GABBR2: variants seen among roughly 807,000 people sequenced by gnomAD.
GABBR2 encodes gamma-aminobutyric acid type B receptor subunit 2.
Under a neutral mutation model 105.6 loss-of-function variants are expected in GABBR2, and 23 were observed. The observed-to-expected ratio is 0.22, with a 90% confidence interval of 0.16 to 0.31. The LOEUF (loss-of-function observed/expected upper bound fraction) is 0.31, where lower values mean the gene tolerates loss of function less well. GABBR2 is among the 10% of genes least tolerant of loss of function. GABBR2 has a pLI of 1.00. For synonymous variants in GABBR2, 478 were observed against 499.7 expected, an observed-to-expected ratio of 0.96 and a Z score of 0.58; for missense variants, 734 against 1,245.5, an observed-to-expected ratio of 0.59 and a Z score of 6.18.
chr9:98,633,726 T>C (rs552807686), intron 1 of GABBR2, among the ~76,000 whole-genome samples: 1 of 151,718 alleles, frequency 6.6e-6, no homozygotes, highest in South Asian at 2.1e-4. Flanking sequence ...GGACCCCAAC[T>C]GCAGGAGCCA....
chr9:98,590,489 G>T (rs1043289078), intron 1 of GABBR2, among the ~76,000 whole-genome samples: 1 of 152,216 alleles, frequency 6.6e-6, no homozygotes, highest in South Asian at 2.1e-4. Flanking sequence ...TACAAACTGC[G>T]TTTCCTAATT....
chr9:98,676,578 C>T (rs1157827196), intron 1 of GABBR2, among the ~76,000 whole-genome samples: 2 of 152,206 alleles, frequency 1.3e-5, no homozygotes, highest in African/African-American at 4.8e-5. Context: ...AAGTTGCTTG[C>T]TCTGGATTTC....
intron 6 of GABBR2, among the ~76,000 whole-genome samples, chr9:98,468,422 G>C (rs79462249): frequency 6.6e-6 from 1 of 152,150 alleles, no homozygotes; most frequent in Non-Finnish European, 1.5e-5. Flanking sequence ...AATACAACCT[G>C]TGCAGGGCTG....
chr9:98,296,378 G>A (rs548884749), intron 17 of GABBR2, among the ~76,000 whole-genome samples: 18 of 152,168 alleles, frequency 1.2e-4, no homozygotes, highest in Non-Finnish European at 2.2e-4. Context: ...ATACATTTCT[G>A]TTGTTTATAA....
intron 13 of GABBR2, among the ~76,000 whole-genome samples, chr9:98,330,726 GTCTTTT>G (rs1180758542): frequency 3.0e-4 from 46 of 152,048 alleles, no homozygotes; most frequent in African/African-American, 1.0e-3. Flanking sequence ...ATCTTTTCCT[GTCTTTT>G]TCTTTTTGAA....
At chr9:98,619,974 C>CT (rs1829645407) in intron 1 of GABBR2, among the ~76,000 whole-genome samples, 1 of 152,148 alleles carries the variant, frequency 6.6e-6, no homozygotes, top group Admixed American at 6.5e-5. Context: ...CACTTACCCT[C>CT]TCTGTGCTGT....
Position 98,436,314 on chromosome 9 carries a change from TACC to T in GABBR2, c.1236+17664_1236+17666del, listed in dbSNP as rs1452865160. On this transcript the variant is annotated intron_variant, in intron 7 of 18. Coordinates refer to ENST00000259455, the MANE Select transcript of GABBR2 (RefSeq NM_005458.8). ...ATATATATATATATACCCATAAATA[TACC>T]ATATATATATATATACACACACACA... Among the ~76,000 whole-genome samples the T allele has an allele frequency of 6.4e-4, 55 of 85,514 alleles. 5 individuals are homozygous for T. Among genetic ancestry groups the T allele is most frequent in the East Asian group, 4.1e-3 (6 of 1,476 alleles). 56.1% of individuals were successfully genotyped at this position (85,514 alleles called of 152,430 possible).
chr9:98,400,780 T>C (rs899244360), intron 8 of GABBR2, among the ~76,000 whole-genome samples: 1 of 152,006 alleles, frequency 6.6e-6, no homozygotes, highest in African/African-American at 2.4e-5. Flanking sequence ...ACAGAAAAGA[T>C]ACCTAAGCCA....
intron 7 of GABBR2, among the ~76,000 whole-genome samples, chr9:98,436,382 T>TACACACACACACC (rs1564068291): frequency 3.6e-5 from 2 of 55,322 alleles, no homozygotes; most frequent in East Asian, 1.5e-3. Flanking sequence ...TATATATATA[T>TACACACACACACC]ATATATATAT....
intron 13 of GABBR2, among the ~76,000 whole-genome samples, chr9:98,354,611 G>T (rs1432181433): frequency 6.6e-6 from 1 of 152,170 alleles, no homozygotes; most frequent in East Asian, 1.9e-4. Context: ...TAAATCTCAT[G>T]AACCAGCCTC....
At position 98,364,601 on chromosome 9, in the gene GABBR2, A is replaced by ATTT. The variant is rs61391834; in HGVS notation, c.1771-1767_1771-1765dup. On this transcript the variant is annotated intron_variant, in intron 12 of 18. Coordinates refer to ENST00000259455, the MANE Select transcript of GABBR2 (RefSeq NM_005458.8). ...TCAAGTATGAAGTCTGAGGAAGTGG[A>ATTT]TTTTTTTTTTTTTTTTATGGAATCT... 6.1e-4 allele frequency among the ~76,000 whole-genome samples: 83 copies of ATTT among 135,196 alleles called. 1 individual carries two copies. The highest frequency in any genetic ancestry group is 2.1e-3 in the African/African-American group (73 of 34,928). 88.7% of individuals were successfully genotyped at this position (135,196 alleles called of 152,430 possible). A position where few individuals can be genotyped will look rare whatever the true frequency, so the allele number is the denominator to read the frequency against.
intron 1 of GABBR2, among the ~76,000 whole-genome samples, chr9:98,669,059 T>C (rs1179682701): frequency 6.6e-6 from 1 of 152,070 alleles, no homozygotes; most frequent in Non-Finnish European, 1.5e-5. Context: ...TTGAGTGTCC[T>C]TCCAGAAGTG....
At chr9:98,317,683 G>A (rs1482535489) in intron 13 of GABBR2, among the ~76,000 whole-genome samples, 1 of 152,118 alleles carries the variant, frequency 6.6e-6, no homozygotes, top group Non-Finnish European at 1.5e-5. Flanking sequence ...ATTCGAAATC[G>A]ACTCCATGAG....
At chr9:98,621,444 C>T (rs555400413) in intron 1 of GABBR2, among the ~76,000 whole-genome samples, 5 of 152,158 alleles carry the variant, frequency 3.3e-5, no homozygotes, top group Admixed American at 6.5e-5. Context: ...TCTCAGAGCC[C>T]CTGTCCCCTA....
At chr9:98,371,777 G>T (rs1469607819) in intron 11 of GABBR2, among the ~76,000 whole-genome samples, 1 of 152,228 alleles carries the variant, frequency 6.6e-6, no homozygotes, top group Non-Finnish European at 1.5e-5. Flanking sequence ...CAGGTCACTA[G>T]GCACACAGGA....
At chr9:98,440,017 TCCC>T in intron 7 of GABBR2, among the ~76,000 whole-genome samples, 1 of 152,230 alleles carries the variant, frequency 6.6e-6, no homozygotes, top group Non-Finnish European at 1.5e-5. Flanking sequence ...CTACTGAAGG[TCCC>T]AGCCTACTTC....
intron 2 of GABBR2, among the ~76,000 whole-genome samples, chr9:98,549,673 C>T (rs1210382266): frequency 6.6e-6 from 1 of 152,170 alleles, no homozygotes; most frequent in Non-Finnish European, 1.5e-5. Context: ...GGGGTTTTTG[C>T]CCACCGCCCT....
intron 3 of GABBR2, among the ~76,000 whole-genome samples, chr9:98,531,947 C>A (rs1248033792): frequency 6.6e-6 from 1 of 152,178 alleles, no homozygotes; most frequent in Non-Finnish European, 1.5e-5. Flanking sequence ...CACTCCTGCA[C>A]CTCTTAGAGG....
chr9:98,597,638 G>A (rs947879414), intron 1 of GABBR2, among the ~76,000 whole-genome samples: 1 of 152,140 alleles, frequency 6.6e-6, no homozygotes, highest in Non-Finnish European at 1.5e-5. Flanking sequence ...CAAGGATGAA[G>A]TGGCAGCAAG....
Sources: gnomAD v4.1 joint callset for allele counts (sites outside exome capture counted in the v4.1 genomes callset) on GRCh38, gnomAD v4.1.1 for gene constraint, MANE v1.5 for transcripts, NCBI Gene and HGNC (gene_info 2026-07-23, HGNC 2026-07-21) for gene names.